C14orf93: variants seen among roughly 807,000 people sequenced by gnomAD.
C14orf93 encodes the protein chromosome 14 open reading frame 93.
In C14orf93, 23 loss-of-function variants were observed where a neutral mutation model predicts 44.0. That is an observed-to-expected ratio of 0.52 (90% CI 0.38 to 0.74). The LOEUF (loss-of-function observed/expected upper bound fraction) is 0.74. Among genes scored for constraint, C14orf93 ranks in the 30% least tolerant of loss-of-function variants. The pLI, the probability that C14orf93 is intolerant of heterozygous loss-of-function variation, is 0.00. For missense variants in C14orf93, 579 were observed against 678.9 expected, an observed-to-expected ratio of 0.85 and a Z score of 1.64; for synonymous variants, 253 against 265.7, an observed-to-expected ratio of 0.95 and a Z score of 0.46.
rs185758955 is a variant in C14orf93 at position 22,986,784 on chromosome 14, G to C, written c.*431C>G. On this transcript the variant is annotated 3_prime_UTR_variant, in exon 7 of 7. Coordinates refer to ENST00000299088, the MANE Select transcript of C14orf93 (RefSeq NM_021944.4). ...TATTAACCTGCACTGGTCATGTTCG[G>C]TTTCCACTGCAGAGCAAGACAAGTA... The C allele has an allele frequency of 5.2e-6, 1 of 193,768 alleles. No individual in the cohort carries two copies. The highest frequency in any genetic ancestry group is 2.3e-5 in the African/African-American group (1 of 42,756). The allele number at this position is 193,768 out of a possible 1,614,324, so 12.0% of individuals were successfully genotyped here.
At position 22,987,541 on chromosome 14, in the gene C14orf93, C is replaced by T; in HGVS notation, c.1291G>A (p.Glu431Lys). ...ACACCTGGCTCGTTAAGACTGTCCT[C>T]TTCATCTGACATCAGTTCCTCTGTC... The part of the protein sequence containing the change: ...DVTEELMSDE[E>K]DSLNEPGVWV... The change falls in exon 7 of 7, where the codon GAG (glutamate) becomes AAG (lysine). Residue 431 changes from glutamate to lysine, a missense_variant. Glu to Lys is a moderately conservative substitution (Grantham distance 56, BLOSUM62 1). Coordinates refer to ENST00000299088, the MANE Select transcript of C14orf93 (RefSeq NM_021944.4). The surrounding 1 kb of genome is among the most constrained non-coding windows in gnomAD (Gnocchi z 5.6). 6.2e-7 allele frequency: 1 copy of T among 1,614,236 alleles called. No individual in the cohort carries two copies. The highest frequency in any genetic ancestry group is 8.5e-7 in the Non-Finnish European group (1 of 1,180,046).
At chr14:22,993,806 A>G (rs1057180710) in intron 3 of C14orf93, 3 of 152,234 alleles carry the variant, frequency 2.0e-5, no homozygotes, top group Non-Finnish European at 1.5e-5. Context: ...CTTTTGGTTC[A>G]CAGGATCCCT....
intron 1 of C14orf93, among the ~76,000 whole-genome samples, chr14:23,003,893 TATATA>T (rs1489354510): frequency 2.3e-3 from 35 of 15,542 alleles, no homozygotes; most frequent in South Asian, 6.9e-3. Flanking sequence ...TATATATATA[TATATA>T]TTTTTTTTTT....
intron 1 of C14orf93, among the ~76,000 whole-genome samples, chr14:23,002,311 G>T (rs2046351174): frequency 6.6e-6 from 1 of 151,586 alleles, no homozygotes; most frequent in Non-Finnish European, 1.5e-5. Flanking sequence ...AAATTGCCAG[G>T]CATGGTGATA....
Position 22,989,738 on chromosome 14 carries a change from T to A in C14orf93, c.1084+4A>T, listed in dbSNP as rs2045477088. 5.0e-5 allele frequency: 80 copies of A among 1,606,630 alleles called. No individual in the cohort carries two copies. In the South Asian group the frequency reaches 8.8e-4, roughly 18 times the overall value. On this transcript the variant is annotated splice_donor_region_variant and intron_variant, in intron 5 of 6. Coordinates refer to ENST00000299088, the MANE Select transcript of C14orf93 (RefSeq NM_021944.4). ...GGCATAGGAGTTAAACCAGTTTTTC[T>A]CACCTTTTAGCTCCTTATCAGTGTA...
At chr14:23,002,276 C>T (rs989015680) in intron 1 of C14orf93, among the ~76,000 whole-genome samples, 1 of 151,346 alleles carries the variant, frequency 6.6e-6, no homozygotes, top group African/African-American at 2.4e-5. Context: ...CATGGTGAAA[C>T]CCTATCTCTA....
At chr14:23,009,346 T>A (rs180978877) in intron 1 of C14orf93, among the ~76,000 whole-genome samples, 1 of 152,166 alleles carries the variant, frequency 6.6e-6, no homozygotes, top group South Asian at 2.1e-4. Flanking sequence ...ATTCACATCC[T>A]AGGGGATACT....
At chr14:22,990,919 C>T (rs1016258574) in intron 3 of C14orf93, among the ~76,000 whole-genome samples, 25 of 150,364 alleles carry the variant, frequency 1.7e-4, no homozygotes, top group African/African-American at 5.6e-4. Flanking sequence ...CTCGGGTTCA[C>T]GCCATTCTCC....
intron 1 of C14orf93, among the ~76,000 whole-genome samples, chr14:23,001,418 C>T (rs917287476): frequency 1.3e-5 from 2 of 152,134 alleles, no homozygotes; most frequent in Non-Finnish European, 2.9e-5. Context: ...AGGCTTTTAC[C>T]CCTACCAGTG....
chr14:23,000,554 A>G (rs1195189855), intron 1 of C14orf93, among the ~76,000 whole-genome samples: 2 of 152,020 alleles, frequency 1.3e-5, no homozygotes, highest in African/African-American at 4.8e-5. Flanking sequence ...TGTCTCTACT[A>G]AAAATACAAA....
At chr14:23,006,510 T>G (rs573365260) in intron 1 of C14orf93, 3 of 152,228 alleles carry the variant, frequency 2.0e-5, no homozygotes, top group Non-Finnish European at 2.9e-5. Context: ...TATAGCACAG[T>G]CCTTTTTATT....
chr14:23,007,666 C>T (rs1270163087), intron 1 of C14orf93, among the ~76,000 whole-genome samples: 1 of 152,148 alleles, frequency 6.6e-6, no homozygotes, highest in African/African-American at 2.4e-5. Context: ...GAAGAAAAAG[C>T]AAGAACAGTG....
chr14:22,990,177 A>G, intron 3 of C14orf93, 50 bp from the exon 4 acceptor site: 4 of 1,517,204 alleles, frequency 2.6e-6, no homozygotes, highest in Middle Eastern at 1.7e-4. Context: ...GATGTTATGA[A>G]AACTCTCCTC....
chr14:22,989,460 C>T (rs946065507), intron 5 of C14orf93, among the ~76,000 whole-genome samples: 9 of 152,194 alleles, frequency 5.9e-5, no homozygotes, highest in East Asian at 1.9e-4. Flanking sequence ...TCCTCCTCCT[C>T]GTAACACCTT....
intron 4 of C14orf93, 47 bp from the exon 5 acceptor site, chr14:22,989,892 G>C: frequency 6.4e-7 from 1 of 1,550,646 alleles, no homozygotes; most frequent in African/African-American, 1.4e-5. Context: ...CTTTGTAAGA[G>C]CCAGACAAAC....
intron 3 of C14orf93, 22 bp from the exon 4 acceptor site, chr14:22,990,149 A>G: frequency 2.5e-6 from 4 of 1,602,916 alleles, no homozygotes; most frequent in Non-Finnish European, 3.4e-6. Context: ...AAAAGAAAAC[A>G]CAATCAAGCC....
Position 22,998,864 on chromosome 14 carries a change from C to T in C14orf93, c.160G>A (p.Ala54Thr), listed in dbSNP as rs2046152660. 6.2e-7 allele frequency: 1 copy of T among 1,613,948 alleles called. No homozygotes were observed. The highest frequency in any genetic ancestry group is 8.5e-7 in the Non-Finnish European group (1 of 1,179,974). Residue 54 changes from alanine to threonine, a missense_variant, in exon 2 of 7, where the codon GCT becomes ACT. By Grantham distance (58) the Ala-to-Thr change is moderately conservative. Transcript: ENST00000299088. ...AGGAGCTGCTCTGAGCTCTGAACAG[C>T]CAAGCCATGTCCAGTCACTGTGATG... ...TPITVTGHGL[A>T]VQSSEQLLHV... is the part of the protein sequence containing the mutation.
chr14:22,990,845 G>A (rs369075661), intron 3 of C14orf93, among the ~76,000 whole-genome samples: 1 of 145,598 alleles, frequency 6.9e-6, no homozygotes, highest in African/African-American at 2.6e-5. Flanking sequence ...TTGAGACGGA[G>A]TCTCGTTATG....
At chr14:22,989,682 A>G (rs929532626) in intron 5 of C14orf93, 60 bp downstream of exon 5, 7 of 1,161,570 alleles carry the variant, frequency 6.0e-6, no homozygotes, top group Non-Finnish European at 9.1e-6. Flanking sequence ...TGACCAAGAA[A>G]GAGGAGTGGG....
Sources: allele counts gnomAD v4.1 joint callset (sites outside exome capture counted in the v4.1 genomes callset), GRCh38; gene constraint gnomAD v4.1.1; non-coding constraint Gnocchi (gnomAD v3.1); transcripts MANE v1.5; gene names NCBI Gene and HGNC (gene_info 2026-07-23, HGNC 2026-07-21).